The following DMD variants were observed in gnomAD, a reference collection of about 807,000 sequenced individuals.
DMD encodes the protein mutant dystrophin.
Under a neutral mutation model 330.1 loss-of-function variants are expected in DMD, and 63 were observed. That is an observed-to-expected ratio of 0.19 (90% confidence interval 0.16 to 0.24). The LOEUF (loss-of-function observed/expected upper bound fraction) is 0.24. Ranked by LOEUF, DMD falls within the 10% of genes least tolerant of loss-of-function variation. The pLI is 1.00. For synonymous variants in DMD, 1,223 were observed against 959.8 expected (o/e 1.27, Z -5.07); for missense variants, 3,344 against 2,684.1 (o/e 1.25, Z -5.43).
intron 62 of DMD, among the ~76,000 whole-genome samples, chrX:31,311,508 T>C (rs2055519110): frequency 9.0e-6 from 1 of 111,727 alleles, no homozygotes; most frequent in Admixed American, 9.4e-5. Flanking sequence ...TTGGTCTATA[T>C]GTCTGTTTTG....
At chrX:33,233,289 G>A in intron 1 of DMD, among the ~76,000 whole-genome samples, 1 of 111,323 alleles carries the variant, frequency 9.0e-6, no homozygotes, top group Non-Finnish European at 1.9e-5. Flanking sequence ...GTGCACTCCT[G>A]GGCATTTATC....
At chrX:32,366,942 G>A (rs1377841753) in intron 34 of DMD, among the ~76,000 whole-genome samples, 1 of 112,189 alleles carries the variant, frequency 8.9e-6, no homozygotes, top group Non-Finnish European at 1.9e-5. Context: ...CATGCATGGG[G>A]TTCTTCATAT....
At chrX:32,658,167 T>TA (rs922458424) in intron 9 of DMD, among the ~76,000 whole-genome samples, 2 of 111,418 alleles carry the variant, frequency 1.8e-5, no homozygotes, top group Admixed American at 9.6e-5. Context: ...AATTTTGCTT[T>TA]TTTTCTCATC....
chrX:31,987,314 C>T (rs1344415087), intron 44 of DMD, among the ~76,000 whole-genome samples: 2 of 111,703 alleles, frequency 1.8e-5, no homozygotes, highest in African/African-American at 6.5e-5. Flanking sequence ...AAAACCCTCT[C>T]TTCTAGCCGT....
chrX:31,252,928 T>C (rs963133728), intron 63 of DMD, among the ~76,000 whole-genome samples: 10 of 110,472 alleles, frequency 9.1e-5, no homozygotes, highest in Non-Finnish European at 1.5e-4. Context: ...GCGGTGGAGG[T>C]TGCAGTGAGA....
intron 54 of DMD, among the ~76,000 whole-genome samples, chrX:31,646,760 T>A (rs2080128485): frequency 8.9e-6 from 1 of 112,195 alleles, no homozygotes; most frequent in Non-Finnish European, 1.9e-5. Context: ...CCAGATCCCT[T>A]GCTTCAATTC....
chrX:31,864,699 C>A (rs965242151), intron 48 of DMD, among the ~76,000 whole-genome samples: 1 of 109,959 alleles, frequency 9.1e-6, no homozygotes, highest in African/African-American at 3.3e-5. Context: ...CTATATTGCC[C>A]AGGCTGATCT....
At chrX:32,831,167 G>A (rs927315341) in intron 4 of DMD, among the ~76,000 whole-genome samples, 4 of 110,538 alleles carry the variant, frequency 3.6e-5, no homozygotes, top group Non-Finnish European at 7.6e-5. Context: ...AACAATTCTC[G>A]TCATTTGCTT....
chrX:31,929,859 A>G, intron 46 of DMD, 114 bp from the exon 47 acceptor site: 1 of 897,650 alleles, frequency 1.1e-6, no homozygotes, highest in Non-Finnish European at 1.6e-6. Context: ...CCGAGGGCCC[A>G]GTGGTACCTC....
intron 44 of DMD, among the ~76,000 whole-genome samples, chrX:32,063,153 A>G (rs191157523): frequency 9.7e-6 from 1 of 102,578 alleles, no homozygotes; most frequent in East Asian, 3.0e-4. Flanking sequence ...ATTTGTGCAG[A>G]ATTTTCTACT....
At chrX:32,041,527 T>A (rs2096002742) in intron 44 of DMD, among the ~76,000 whole-genome samples, 1 of 112,160 alleles carries the variant, frequency 8.9e-6, no homozygotes, top group South Asian at 3.6e-4. Context: ...CATCTAGTAC[T>A]GTTGCTTTTA....
At chrX:31,212,255 T>C (rs1029128451) in intron 64 of DMD, among the ~76,000 whole-genome samples, 1 of 108,874 alleles carries the variant, frequency 9.2e-6, no homozygotes, top group East Asian at 2.9e-4. Context: ...AACCCAAGTA[T>C]TCTAATACAT....
rs765623049 is a variant in DMD, at chrX:31,228,147, C to T, written c.9287-5026G>A. Among the ~76,000 whole-genome samples, 40 of 105,295 alleles carry T rather than the reference C, an allele frequency of 3.8e-4. No homozygotes were observed. In the East Asian group the frequency reaches 5.0e-3, roughly 13 times the overall value. The allele number at this position is 105,295 out of a possible 115,157, so 91.4% of individuals were successfully genotyped here. A position where few individuals can be genotyped will look rare whatever the true frequency, so the allele number is the denominator to read the frequency against. ...GGGGGGGATAGCACTGGGTGATATA[C>T]CTAATGCTAGATGACGAGTTAGTGG... On this transcript the variant is annotated intron_variant, in intron 63 of 78. Transcript: ENST00000357033.
chrX:32,741,359 T>C, intron 7 of DMD, among the ~76,000 whole-genome samples: 1 of 111,580 alleles, frequency 9.0e-6, no homozygotes, highest in Non-Finnish European at 1.9e-5. Flanking sequence ...ATCTGCAATA[T>C]ATTTTTTCAA....
chrX:31,314,764 G>A (rs5972368), intron 62 of DMD, among the ~76,000 whole-genome samples: 4 of 96,335 alleles, frequency 4.2e-5, no homozygotes, highest in African/African-American at 1.7e-4. Flanking sequence ...GAGAGAGAGA[G>A]AGAGAGAGAG....
chrX:32,397,666 T>C (rs1393183951), intron 30 of DMD, among the ~76,000 whole-genome samples: 2 of 111,668 alleles, frequency 1.8e-5, no homozygotes, highest in Non-Finnish European at 3.8e-5. Context: ...GGCAAAATTA[T>C]AGAACCAAAA....
chrX:31,329,250 T>C (rs1423812824), intron 61 of DMD, among the ~76,000 whole-genome samples: 1 of 112,004 alleles, frequency 8.9e-6, no homozygotes, highest in Non-Finnish European at 1.9e-5. Flanking sequence ...CCATAAGTAC[T>C]AGAATCATAG....
At chrX:31,351,246 T>G (rs1317136433) in intron 60 of DMD, among the ~76,000 whole-genome samples, 2 of 111,340 alleles carry the variant, frequency 1.8e-5, no homozygotes. Context: ...GACTAATCAA[T>G]GTCCCTGGGT....
chrX:31,954,764 A>G (rs1481923496), intron 45 of DMD, among the ~76,000 whole-genome samples: 4 of 110,879 alleles, frequency 3.6e-5, no homozygotes, highest in Admixed American at 9.6e-5. Flanking sequence ...GACAAAGGGG[A>G]AAAATAACAT....
Sources: allele counts gnomAD v4.1 joint callset (sites outside exome capture counted in the v4.1 genomes callset), GRCh38; gene constraint gnomAD v4.1.1; transcripts MANE v1.5; gene names NCBI Gene and HGNC (gene_info 2026-07-23, HGNC 2026-07-21).